The following SCARB1 variants were observed in gnomAD, a reference collection of about 807,000 sequenced individuals.
SCARB1 encodes scavenger receptor class B member 1.
SCARB1 carries 30 observed loss-of-function variants against 57.2 expected under a neutral mutation model. The ratio of observed to expected loss-of-function variants is 0.52; its 90% CI spans 0.39 to 0.71. The LOEUF (loss-of-function observed/expected upper bound fraction) is 0.71. SCARB1 is among the 30% of genes least tolerant of loss of function. The pLI is 0.00. For missense variants in SCARB1, 543 were observed against 671.2 expected (o/e 0.81, Z 2.11); for synonymous variants, 249 against 268.3 (o/e 0.93, Z 0.70).
At chr12:124,860,554 G>A (rs1397697082) in intron 1 of SCARB1, among the ~76,000 whole-genome samples, 1 of 152,242 alleles carries the variant, frequency 6.6e-6, no homozygotes, top group African/African-American at 2.4e-5. Flanking sequence ...AGAGATAGGG[G>A]AAGTAGCACA....
chr12:124,812,401 G>A lies in SCARB1; in HGVS notation c.631-436C>T, dbSNP rs1431943542. 6.6e-6 allele frequency among the ~76,000 whole-genome samples: 1 copy of A among 152,190 alleles called. No individual in the cohort carries two copies. Among genetic ancestry groups the A allele is most frequent in the Non-Finnish European group, 1.5e-5 (1 of 68,046 alleles). ...GCTGCTATAGCAGCCAAGGAGGTAT[G>A]TGTCAAGACAGAGCCTCCCTCAGCC... On this transcript the variant is annotated intron_variant, in intron 4 of 12. Transcript: ENST00000261693. The surrounding 1 kb of genome is among the most constrained non-coding windows in gnomAD (Gnocchi z 4.3).
chr12:124,804,687 T>C lies in SCARB1; in HGVS notation c.1009+3074A>G, dbSNP rs145153420. 3.4e-3 allele frequency among the ~76,000 whole-genome samples: 515 copies of C among 152,340 alleles called. 3 individuals are homozygous for C. Among genetic ancestry groups the C allele is most frequent in the Non-Finnish European group, 5.8e-3 (397 of 68,034 alleles). On this transcript the variant is annotated intron_variant, in intron 7 of 12. Transcript: ENST00000261693. The stretch of plus-strand genomic sequence containing the variant: ...CCAGGCCCCAGCTCCAAACCATTCA[T>C]TCACAGGTTGTTCCATTCTGCCTGA...
At chr12:124,836,965 G>A (rs1387757008) in intron 1 of SCARB1, among the ~76,000 whole-genome samples, 7 of 152,130 alleles carry the variant, frequency 4.6e-5, no homozygotes, top group Non-Finnish European at 1.0e-4. Flanking sequence ...GCACTGCCTT[G>A]GTAAAGGCCC....
chr12:124,834,313 G>A (rs1009279423), intron 1 of SCARB1, among the ~76,000 whole-genome samples: 1 of 152,238 alleles, frequency 6.6e-6, no homozygotes, highest in Admixed American at 6.5e-5. Context: ...GCTGGGCCGG[G>A]ACCAGAAACA....
chr12:124,836,889 G>A (rs893495328), intron 1 of SCARB1, among the ~76,000 whole-genome samples: 6 of 152,170 alleles, frequency 3.9e-5, no homozygotes, highest in Non-Finnish European at 7.3e-5. Context: ...TAAACCACTC[G>A]CTTGCCCAAG....
Position 124,810,330 on chromosome 12 carries a change from A to G in SCARB1, c.727-41T>C, listed in dbSNP as rs966110622. 2 of 1,428,744 alleles carry G rather than the reference A, an allele frequency of 1.4e-6. No homozygotes were observed. The highest frequency in any genetic ancestry group is 2.8e-5 in the African/African-American group (2 of 71,338). 88.5% of individuals were successfully genotyped at this position (1,428,744 alleles called of 1,614,324 possible). ...CAGACTAGACCCCTCAGTAGGGCCAAGGCCCCTTAATAAGCCCTCTCAGGT... is the reference window on the plus strand; with the variant it reads ...CAGACTAGACCCCTCAGTAGGGCCAGGGCCCCTTAATAAGCCCTCTCAGGT... On this transcript the variant is annotated intron_variant, in intron 5 of 12. Coordinates refer to ENST00000261693, the MANE Select transcript of SCARB1 (RefSeq NM_005505.5). This position sits in a 1 kb window ranked among gnomAD's most constrained non-coding sequence, Gnocchi z 4.0.
At chr12:124,835,546 G>C (rs111869272) in intron 1 of SCARB1, among the ~76,000 whole-genome samples, 2 of 152,064 alleles carry the variant, frequency 1.3e-5, no homozygotes, top group Admixed American at 1.3e-4. Flanking sequence ...GCTGGATTAC[G>C]AACGTGAGAC....
intron 1 of SCARB1, among the ~76,000 whole-genome samples, chr12:124,856,351 G>A (rs1009090863): frequency 6.6e-6 from 1 of 151,742 alleles, no homozygotes; most frequent in East Asian, 1.9e-4. Flanking sequence ...GCCTACACAG[G>A]TGTGTGTGTC....
chr12:124,781,365 A>C (rs1447039195), intron 12 of SCARB1, among the ~76,000 whole-genome samples: 2 of 152,202 alleles, frequency 1.3e-5, no homozygotes, highest in Non-Finnish European at 2.9e-5. Context: ...CTAGCCTCAG[A>C]AGCTCTTGAG....
chr12:124,815,213 A>T, intron 2 of SCARB1, 99 bp from the exon 3 acceptor site: 4 of 1,345,452 alleles, frequency 3.0e-6, no homozygotes, highest in Non-Finnish European at 4.2e-6. Context: ...GGGGCCCTGG[A>T]CGTCTGTGCA....
intron 1 of SCARB1, among the ~76,000 whole-genome samples, chr12:124,842,229 C>A (rs1951936278): frequency 6.6e-6 from 1 of 152,356 alleles, no homozygotes; most frequent in Admixed American, 6.5e-5. Flanking sequence ...GGGCACCATG[C>A]CAGTGCTGCC....
In SCARB1 at chr12:124,810,889, C is replaced by T. The variant is rs1594265167; in HGVS notation, c.727-600G>A. On this transcript the variant is annotated intron_variant, in intron 5 of 12. Coordinates refer to ENST00000261693, the MANE Select transcript of SCARB1 (RefSeq NM_005505.5). The surrounding 1 kb of genome is among the most constrained non-coding windows in gnomAD (Gnocchi z 4.0). ...GAACTCCATCTATCGTGAATGGCTA[C>T]TGCCAGTTGCAGATGGTGATTTTTG... Among the ~76,000 whole-genome samples, 1 of 152,224 alleles carries T rather than the reference C, an allele frequency of 6.6e-6. No individual in the cohort carries two copies. Among genetic ancestry groups the T allele is most frequent in the South Asian group, 2.1e-4 (1 of 4,826 alleles).
chr12:124,834,593 T>C (rs67044050), intron 1 of SCARB1, among the ~76,000 whole-genome samples: 58,199 of 152,112 alleles, frequency 0.38, 11,479 homozygotes, highest in Admixed American at 0.51. Context: ...ACTAGGTACC[T>C]GTTCGGGCAG....
intron 2 of SCARB1, 37 bp from the exon 3 acceptor site, chr12:124,815,151 G>C (rs373504573): frequency 6.2e-7 from 1 of 1,608,106 alleles, no homozygotes; most frequent in Non-Finnish European, 8.5e-7. Context: ...GCCCCGCCCC[G>C]CTGCATGGGA....
intron 1 of SCARB1, among the ~76,000 whole-genome samples, chr12:124,844,526 C>T (rs140044202): frequency 1.3e-5 from 2 of 152,246 alleles, no homozygotes; most frequent in South Asian, 2.1e-4. Context: ...ACTGTATTGG[C>T]GCGGGGGGCA....
intron 1 of SCARB1, chr12:124,839,543 T>G (rs1951828342): frequency 4.4e-6 from 4 of 899,594 alleles, no homozygotes; most frequent in Non-Finnish European, 5.3e-6. Flanking sequence ...AAGTTCCCAC[T>G]TCCATTTCTT....
chr12:124,826,410 A>G (rs568743137), intron 1 of SCARB1, among the ~76,000 whole-genome samples: 3 of 151,724 alleles, frequency 2.0e-5, no homozygotes, highest in South Asian at 4.2e-4. Context: ...TCATTTCACT[A>G]TGTGTGTGTA....
rs190642203 is a variant in SCARB1 at position 124,843,001 on chromosome 12, T to C, written c.126+20594A>G. Among the ~76,000 whole-genome samples the C allele has an allele frequency of 3.8e-3, 576 of 152,282 alleles. 1 individual carries two copies. The highest frequency in any genetic ancestry group is 6.0e-3 in the Non-Finnish European group (405 of 68,014). On this transcript the variant is annotated intron_variant, in intron 1 of 12. Coordinates refer to ENST00000261693, the MANE Select transcript of SCARB1 (RefSeq NM_005505.5). ...CCCTCTGTGGACGCAAACATGTTTA[T>C]TGCAGGAAGGAAAAACAAGGAACTA...
rs1260578589 is a variant in SCARB1 at position 124,812,423 on chromosome 12, A to G, written c.631-458T>C. Among the ~76,000 whole-genome samples, 1 of 152,214 alleles carries G rather than the reference A, an allele frequency of 6.6e-6. No homozygotes were observed. The highest frequency in any genetic ancestry group is 1.5e-5 in the Non-Finnish European group (1 of 68,034). The stretch of plus-strand genomic sequence containing the variant: ...TATGTGTCAAGACAGAGCCTCCCTC[A>G]GCCTGGATCCCCAAGTGACCACCAC... On this transcript the variant is annotated intron_variant, in intron 4 of 12. Transcript: ENST00000261693. This position sits in a 1 kb window ranked among gnomAD's most constrained non-coding sequence, Gnocchi z 4.3.
Sources: gnomAD v4.1 joint callset for allele counts (sites outside exome capture counted in the v4.1 genomes callset) on GRCh38, gnomAD v4.1.1 for gene constraint, Gnocchi (gnomAD v3.1) non-coding constraint, MANE v1.5 for transcripts, NCBI Gene and HGNC (gene_info 2026-07-23, HGNC 2026-07-21) for gene names.